ASAP1: variants seen among roughly 807,000 people sequenced by gnomAD.
The protein encoded by ASAP1 is ArfGAP with SH3 domain, ankyrin repeat and PH domain 1.
In ASAP1, 43 loss-of-function variants were observed where a neutral mutation model predicts 145.2. That is an observed-to-expected ratio of 0.30 (90% confidence interval 0.23 to 0.38). ASAP1 has a LOEUF of 0.38. ASAP1 is among the 10% of genes least tolerant of loss of function. The pLI, the probability that ASAP1 is intolerant of heterozygous loss-of-function variation, is 1.00. For missense variants in ASAP1, 1,018 were observed against 1,355.3 expected (o/e 0.75, Z 3.91); for synonymous variants, 546 against 515.5 (o/e 1.06, Z -0.80).
intron 24 of ASAP1, among the ~76,000 whole-genome samples, chr8:130,102,841 G>A (rs6992305): frequency 0.49 from 73,692 of 151,828 alleles, 18,822 homozygotes; most frequent in East Asian, 0.68. Flanking sequence ...AGGTACCACC[G>A]TGCCCAAGTA....
chr8:130,399,357 A>G (rs1466272967), intron 2 of ASAP1, among the ~76,000 whole-genome samples: 3 of 152,216 alleles, frequency 2.0e-5, no homozygotes, highest in Non-Finnish European at 4.4e-5. Flanking sequence ...CCTAATTCTA[A>G]TAATGCACTG....
At chr8:130,201,837 G>A (rs1215894018) in intron 5 of ASAP1, among the ~76,000 whole-genome samples, 2 of 152,172 alleles carry the variant, frequency 1.3e-5, no homozygotes, top group African/African-American at 4.8e-5. Context: ...AAACCACACT[G>A]TAACATCGGA....
At chr8:130,188,903 T>C (rs1468859882) in intron 5 of ASAP1, among the ~76,000 whole-genome samples, 1 of 152,170 alleles carries the variant, frequency 6.6e-6, no homozygotes, top group Non-Finnish European at 1.5e-5. Context: ...ACGGTGAATT[T>C]TCTTCAACTG....
At chr8:130,087,020 A>T (rs903390133) in intron 25 of ASAP1, among the ~76,000 whole-genome samples, 2 of 152,190 alleles carry the variant, frequency 1.3e-5, no homozygotes, top group African/African-American at 4.8e-5. Context: ...TGCAACATCT[A>T]CTTCCTTCTT....
intron 2 of ASAP1, among the ~76,000 whole-genome samples, chr8:130,363,052 C>T (rs1826790526): frequency 6.6e-6 from 1 of 152,196 alleles, no homozygotes; most frequent in South Asian, 2.1e-4. Flanking sequence ...AGTATTTCTC[C>T]TCTCTGAGTC....
At chr8:130,377,697 G>A (rs1391366166) in intron 2 of ASAP1, among the ~76,000 whole-genome samples, 1 of 152,194 alleles carries the variant, frequency 6.6e-6, no homozygotes, top group Non-Finnish European at 1.5e-5. Context: ...TCAGGCAAAG[G>A]CATGTGGTAA....
chr8:130,423,354 T>C (rs1829795193), intron 1 of ASAP1, among the ~76,000 whole-genome samples: 1 of 152,206 alleles, frequency 6.6e-6, no homozygotes, highest in Non-Finnish European at 1.5e-5. Context: ...GGGCAAGAAA[T>C]GTATACTTGC....
At chr8:130,430,647 A>G (rs1275112293) in intron 1 of ASAP1, among the ~76,000 whole-genome samples, 2 of 152,176 alleles carry the variant, frequency 1.3e-5, no homozygotes, top group African/African-American at 4.8e-5. Context: ...GCAGTGAGGT[A>G]GGAGAGGGTT....
At chr8:130,148,993 T>G (rs1280079134) in intron 13 of ASAP1, among the ~76,000 whole-genome samples, 1 of 150,392 alleles carries the variant, frequency 6.6e-6, no homozygotes, top group East Asian at 1.9e-4. Context: ...TGCACCATCA[T>G]GCCCAGCTAA....
rs79183864 is a variant in ASAP1 at position 130,128,494 on chromosome 8, G to T, written c.1218-404C>A. On this transcript the variant is annotated intron_variant, in intron 15 of 29. Transcript: ENST00000518721. ...GATGAGAAAGAAATGATGAGAAATG[G>T]AGAGGAGCCAGGAAAAGGAGTTTAG... Among the ~76,000 whole-genome samples, 19 of 152,260 alleles carry T rather than the reference G, an allele frequency of 1.2e-4. No individual in the cohort carries two copies. The East Asian group carries it at 2.9e-3, about 23-fold the overall frequency.
chr8:130,393,788 A>G (rs568986324), intron 2 of ASAP1, among the ~76,000 whole-genome samples: 2 of 152,326 alleles, frequency 1.3e-5, no homozygotes, highest in Admixed American at 6.5e-5. Flanking sequence ...CAGAGGGACC[A>G]GCTGAAGCCG....
At chr8:130,347,374 G>A (rs1351230031) in intron 3 of ASAP1, among the ~76,000 whole-genome samples, 4 of 152,208 alleles carry the variant, frequency 2.6e-5, no homozygotes, top group Non-Finnish European at 5.9e-5. Flanking sequence ...CAGAGGGAAG[G>A]GCAGAGAAAC....
intron 3 of ASAP1, among the ~76,000 whole-genome samples, chr8:130,262,419 AGAGAGAGAGAGAGAGAG>A (rs1819981449): frequency 1.0e-4 from 3 of 29,538 alleles, no homozygotes; most frequent in African/African-American, 2.3e-4. Flanking sequence ...AAAAAAAAAG[AGAGAGAGAGAGAGAGAG>A]AGAGAGAGAG....
chr8:130,332,551 G>A (rs1586846819), intron 3 of ASAP1, among the ~76,000 whole-genome samples: 2 of 152,088 alleles, frequency 1.3e-5, no homozygotes, highest in Non-Finnish European at 2.9e-5. Context: ...ACCCCAAAGT[G>A]GAATTCAACA....
chr8:130,152,022 T>C (rs1320394704), intron 13 of ASAP1, among the ~76,000 whole-genome samples: 3 of 152,234 alleles, frequency 2.0e-5, no homozygotes, highest in African/African-American at 7.2e-5. Flanking sequence ...TAAGTGGTAC[T>C]TCCTTTCCTC....
intron 29 of ASAP1, 72 bp from the exon 30 acceptor site, chr8:130,054,877 G>T: frequency 8.1e-7 from 1 of 1,232,664 alleles, no homozygotes; most frequent in Non-Finnish European, 1.2e-6. Flanking sequence ...CAGTGGGTAA[G>T]AGCCCAGCCT....
At chr8:130,436,039 C>A (rs1339728891) in intron 1 of ASAP1, among the ~76,000 whole-genome samples, 1 of 152,142 alleles carries the variant, frequency 6.6e-6, no homozygotes, top group Non-Finnish European at 1.5e-5. Flanking sequence ...CCAGAAGACA[C>A]AACAAATGGG....
chr8:130,374,194 C>T (rs1330640333), intron 2 of ASAP1, among the ~76,000 whole-genome samples: 1 of 152,160 alleles, frequency 6.6e-6, no homozygotes, highest in African/African-American at 2.4e-5. Flanking sequence ...TAAAATGAGG[C>T]TAATGACAGC....
intron 20 of ASAP1, among the ~76,000 whole-genome samples, chr8:130,117,226 TGTATTA>T (rs2097557715): frequency 6.6e-6 from 1 of 152,232 alleles, no homozygotes; most frequent in Non-Finnish European, 1.5e-5. Context: ...AACATTTACA[TGTATTA>T]GTTCATTGAA....
Sources: gnomAD v4.1 joint callset for allele counts (sites outside exome capture counted in the v4.1 genomes callset) on GRCh38, gnomAD v4.1.1 for gene constraint, MANE v1.5 for transcripts, NCBI Gene and HGNC (gene_info 2026-07-23, HGNC 2026-07-21) for gene names.